SAMMSON: variants seen among roughly 807,000 people sequenced by gnomAD.
SAMMSON encodes the protein survival associated mitochondrial melanoma specific oncogenic non-coding RNA, also known as long intergenic non-protein coding RNA 1212.
At chr3:70,154,944 A>G (rs1038682873) in intron 4 of SAMMSON, among the ~76,000 whole-genome samples, 1 of 151,978 alleles carries the variant, frequency 6.6e-6, no homozygotes, top group African/African-American at 2.4e-5. Flanking sequence ...CATGAAACAG[A>G]ATAATGTTTT....
At chr3:70,365,187 T>C (rs533151158) in intron 9 of SAMMSON, among the ~76,000 whole-genome samples, 1 of 151,884 alleles carries the variant, frequency 6.6e-6, no homozygotes, top group Non-Finnish European at 1.5e-5. Context: ...GCTCCATGCT[T>C]TTCTTAATAC....
intron 3 of SAMMSON, among the ~76,000 whole-genome samples, chr3:70,032,688 T>G (rs543704093): frequency 4.3e-4 from 66 of 152,324 alleles, no homozygotes; most frequent in Non-Finnish European, 6.2e-4. Context: ...ATGGATTGAT[T>G]GATTTAACAA....
At chr3:70,407,790 C>T (rs1203466157) in intron 2 of SAMMSON, among the ~76,000 whole-genome samples, 1 of 152,224 alleles carries the variant, frequency 6.6e-6, no homozygotes, top group Non-Finnish European at 1.5e-5. Context: ...GCCGTCTTCT[C>T]ACAGCTCCAC....
At chr3:70,305,918 T>G (rs968492474) in intron 7 of SAMMSON, among the ~76,000 whole-genome samples, 1 of 152,146 alleles carries the variant, frequency 6.6e-6, no homozygotes, top group Non-Finnish European at 1.5e-5. Flanking sequence ...GGAACCTGGA[T>G]TTTTTTGGAC....
At chr3:70,107,689 A>G (rs1200916282) in intron 4 of SAMMSON, among the ~76,000 whole-genome samples, 1 of 151,482 alleles carries the variant, frequency 6.6e-6, no homozygotes, top group Non-Finnish European at 1.5e-5. Flanking sequence ...TATAAAAGAG[A>G]TCATAAAAGG....
rs2067500777 is a variant in SAMMSON, at chr3:70,135,187, G to A, written n.507+63622G>A. On this transcript the variant is annotated intron_variant and non_coding_transcript_variant, in intron 4 of 9. Coordinates refer to ENST00000642114, the Ensembl canonical transcript of SAMMSON. ...TTATTGGTTTTTTCTCAGTTGCATTGTTTTATCATGTCAATATTTCATAAG... is the reference window on the plus strand; with the variant it reads ...TTATTGGTTTTTTCTCAGTTGCATTATTTTATCATGTCAATATTTCATAAG... 2.0e-5 allele frequency among the ~76,000 whole-genome samples: 3 copies of A among 151,944 alleles called. No homozygotes were observed. The South Asian group carries it at 6.2e-4, about 31-fold the overall frequency.
intron 9 of SAMMSON, among the ~76,000 whole-genome samples, chr3:70,359,071 C>T (rs756007047): frequency 1.3e-5 from 2 of 152,040 alleles, no homozygotes; most frequent in Non-Finnish European, 2.9e-5. Flanking sequence ...CTCACACACA[C>T]ATACTCTGAT....
At chr3:70,378,124 G>A (rs1054243544) in intron 9 of SAMMSON, among the ~76,000 whole-genome samples, 1 of 150,948 alleles carries the variant, frequency 6.6e-6, no homozygotes, top group Non-Finnish European at 1.5e-5. Flanking sequence ...CTAGTATTTA[G>A]TTATATATAA....
intron 3 of SAMMSON, among the ~76,000 whole-genome samples, chr3:70,033,707 C>G (rs949736644): frequency 1.3e-5 from 2 of 151,892 alleles, no homozygotes; most frequent in African/African-American, 2.4e-5. Flanking sequence ...TAGGGCAGGT[C>G]AGATATGAAT....
At chr3:70,342,589 C>G (rs532054009) in intron 7 of SAMMSON, among the ~76,000 whole-genome samples, 1 of 152,096 alleles carries the variant, frequency 6.6e-6, no homozygotes, top group Non-Finnish European at 1.5e-5. Flanking sequence ...TGGCTAACTG[C>G]GAGCTACATT....
At chr3:70,229,191 C>A (rs1701536180) in intron 4 of SAMMSON, among the ~76,000 whole-genome samples, 2 of 151,966 alleles carry the variant, frequency 1.3e-5, no homozygotes, top group Admixed American at 6.6e-5. Flanking sequence ...CTTACACATA[C>A]AAGAAAAGAA....
chr3:70,392,079 C>T (rs986452658), downstream of SAMMSON, among the ~76,000 whole-genome samples: 2 of 152,120 alleles, frequency 1.3e-5, no homozygotes, highest in African/African-American at 4.8e-5. Flanking sequence ...TAGCCCTAGA[C>T]TAATTGGAAA....
chr3:70,012,485 T>A (rs2066962140), exon 2 of SAMMSON: 1 of 152,094 alleles, frequency 6.6e-6, no homozygotes, highest in Non-Finnish European at 1.5e-5. Context: ...AAACCAAGAA[T>A]GTGGGAAGCC....
chr3:70,209,820 G>A (rs1576155980), intron 4 of SAMMSON, among the ~76,000 whole-genome samples: 1 of 152,106 alleles, frequency 6.6e-6, no homozygotes, highest in African/African-American at 2.4e-5. Context: ...CAAATAGCTG[G>A]GTTTTACACA....
intron 7 of SAMMSON, among the ~76,000 whole-genome samples, chr3:70,339,460 A>G (rs1282744496): frequency 6.6e-6 from 1 of 152,218 alleles, no homozygotes; most frequent in Non-Finnish European, 1.5e-5. Flanking sequence ...ATCAGAGTCA[A>G]CATGCAACCT....
chr3:70,304,574 T>C (rs1011619655), intron 7 of SAMMSON, among the ~76,000 whole-genome samples: 7 of 152,154 alleles, frequency 4.6e-5, no homozygotes, highest in African/African-American at 1.7e-4. Context: ...TTTCTTTGTA[T>C]CACCCCACAC....
chr3:70,132,182 C>T (rs1168713214), intron 4 of SAMMSON, among the ~76,000 whole-genome samples: 1 of 152,084 alleles, frequency 6.6e-6, no homozygotes, highest in Non-Finnish European at 1.5e-5. Flanking sequence ...TGATATCAAC[C>T]AACTGCCTGA....
chr3:70,213,015 C>T (rs1701366046), intron 4 of SAMMSON, among the ~76,000 whole-genome samples: 1 of 152,022 alleles, frequency 6.6e-6, no homozygotes, highest in African/African-American at 2.4e-5. Flanking sequence ...CACCATGCTG[C>T]CTGGGCTGGT....
At chr3:70,417,782 C>CTGAT (rs1401773100) in intron 2 of SAMMSON, among the ~76,000 whole-genome samples, 1 of 152,104 alleles carries the variant, frequency 6.6e-6, no homozygotes, top group Non-Finnish European at 1.5e-5. Flanking sequence ...CAAAAGGATT[C>CTGAT]TGATTGGCTC....
Sources: gnomAD v4.1 joint callset for allele counts (sites outside exome capture counted in the v4.1 genomes callset) on GRCh38, gnomAD v4.1.1 for gene constraint, MANE v1.5 for transcripts, NCBI Gene and HGNC (gene_info 2026-07-23, HGNC 2026-07-21) for gene names.